ATAD5: variants seen among roughly 807,000 people sequenced by gnomAD.
The protein encoded by ATAD5 is ATPase family AAA domain containing 5.
A neutral mutation model predicts 176.9 loss-of-function variants in ATAD5; 58 were observed. The ratio of observed to expected loss-of-function variants is 0.33; its 90% CI spans 0.27 to 0.41. The LOEUF (loss-of-function observed/expected upper bound fraction) is 0.41. Among genes scored for constraint, ATAD5 ranks in the 10% least tolerant of loss-of-function variants. The pLI, the probability that ATAD5 is intolerant of heterozygous loss-of-function variation, is 1.00. For synonymous variants in ATAD5, 640 were observed against 712.6 expected (o/e 0.90, Z 1.62); for missense variants, 1,789 against 2,094.1 (o/e 0.85, Z 2.84).
intron 17 of ATAD5, among the ~76,000 whole-genome samples, chr17:30,878,352 C>T (rs976644881): frequency 4.6e-5 from 7 of 152,074 alleles, no homozygotes; most frequent in Non-Finnish European, 8.8e-5. Flanking sequence ...TACCTATAAT[C>T]AGATCACTAA....
Position 30,893,733 on chromosome 17 carries a change from C to T in ATAD5, c.4880C>T (p.Pro1627Leu), listed in dbSNP as rs747668687. The T allele has an allele frequency of 5.6e-6, 9 of 1,613,902 alleles. No individual in the cohort carries two copies. The African/African-American group carries it at 1.2e-4, about 22-fold the overall frequency. ...GNNPETKKSI[P>L]CPPKTTAGKK... ...AATCCAGAGACAAAGAAATCTATTC[C>T]TTGTCCTCCTAAAACAACTGCAGGA... Residue 1627 changes from proline to leucine, a missense_variant, in exon 21 of 23, where the codon CCT becomes CTT. Around this residue, in one of 6 missense-constraint regions of ATAD5, gnomAD observed 403 missense variants for 495.1 expected, o/e 0.81. Coordinates refer to ENST00000321990, the MANE Select transcript of ATAD5 (RefSeq NM_024857.5).
Position 30,834,351 on chromosome 17 carries a change from A to G in ATAD5, c.270A>G (p.Val90=). 6.2e-7 allele frequency: 1 copy of G among 1,610,714 alleles called. No homozygotes were observed. The highest frequency in any genetic ancestry group is 8.5e-7 in the Non-Finnish European group (1 of 1,178,860). ...KECKIKSPES[V]PVDSNKDCTT... ...GCAAGATAAAGTCACCTGAATCAGT[A>G]CCTGTTGACAGCAACAAAGACTGTA... Residue 90 remains valine, a synonymous_variant, in exon 2 of 23, where the codon GTA becomes GTG. Coordinates refer to ENST00000321990, the MANE Select transcript of ATAD5 (RefSeq NM_024857.5).
intron 10 of ATAD5, among the ~76,000 whole-genome samples, chr17:30,865,298 G>A (rs887977530): frequency 2.0e-5 from 3 of 150,942 alleles, no homozygotes; most frequent in Non-Finnish European, 2.9e-5. Context: ...TCAGCCTCCC[G>A]AGTAGCTGGG....
At chr17:30,844,424 C>G (rs989299722) in intron 5 of ATAD5, among the ~76,000 whole-genome samples, 6 of 152,056 alleles carry the variant, frequency 3.9e-5, no homozygotes, top group African/African-American at 1.4e-4. Flanking sequence ...AGCCACTGCA[C>G]CCGGCCTGTG....
At chr17:30,844,075 G>C (rs1207945658) in intron 5 of ATAD5, 36 bp downstream of exon 5, 4 of 1,417,818 alleles carry the variant, frequency 2.8e-6, no homozygotes, top group East Asian at 2.5e-5. Context: ...ATGTATATTA[G>C]AATGTTTTGG....
chr17:30,838,063 T>C (rs75432500), intron 3 of ATAD5, among the ~76,000 whole-genome samples: 4,059 of 152,316 alleles, frequency 0.027, 202 homozygotes, highest in African/African-American at 0.092. Context: ...ATCCATAAGA[T>C]GCCAGTAGCA....
chr17:30,850,363 T>A (rs888765661), intron 6 of ATAD5, among the ~76,000 whole-genome samples: 31 of 142,390 alleles, frequency 2.2e-4, no homozygotes, highest in African/African-American at 7.9e-4. Context: ...TGAGACTTCT[T>A]TTTTTTTTTT....
chr17:30,868,288 T>A, intron 11 of ATAD5, 45 bp from the exon 12 acceptor site: 1 of 1,459,300 alleles, frequency 6.9e-7, no homozygotes, highest in Non-Finnish European at 9.2e-7. Context: ...GTCTAAGGCA[T>A]AGCTATATTC....
chr17:30,850,831 TTTTATATATATATATATATATATA>T (rs1401751727), intron 6 of ATAD5, among the ~76,000 whole-genome samples: 30 of 62,604 alleles, frequency 4.8e-4, no homozygotes, highest in Non-Finnish European at 5.4e-4. Context: ...ATTTATATAT[TTTTATATATATATATATATATATA>T]TATATATATA....
chr17:30,861,289 T>C (rs533384328), intron 10 of ATAD5, among the ~76,000 whole-genome samples: 2 of 148,792 alleles, frequency 1.3e-5, no homozygotes, highest in East Asian at 4.0e-4. Flanking sequence ...ACATCTTCCA[T>C]TCCTGGTAAA....
At chr17:30,844,551 C>CTTT (rs145866847) in intron 5 of ATAD5, among the ~76,000 whole-genome samples, 4 of 139,528 alleles carry the variant, frequency 2.9e-5, no homozygotes, top group Non-Finnish European at 6.2e-5. Flanking sequence ...AAGAGTTTTT[C>CTTT]TTTTTTTTTT....
chr17:30,891,999 A>C (rs1909663713), intron 19 of ATAD5, among the ~76,000 whole-genome samples: 1 of 151,676 alleles, frequency 6.6e-6, no homozygotes, highest in South Asian at 2.1e-4. Flanking sequence ...GAGCCACCTC[A>C]CCTGGCCTGA....
Position 30,836,018 on chromosome 17 carries a change from C to T in ATAD5, c.1937C>T (p.Thr646Ile). The T allele has an allele frequency of 6.2e-7, 1 of 1,606,748 alleles. No homozygotes were observed. The highest frequency in any genetic ancestry group is 8.5e-7 in the Non-Finnish European group (1 of 1,177,674). Residue 646 changes from threonine to isoleucine, a missense_variant, in exon 2 of 23, where the codon ACA becomes ATA. Physicochemically the swap from Thr to Ile is moderately conservative, Grantham distance 89. Coordinates refer to ENST00000321990, the MANE Select transcript of ATAD5 (RefSeq NM_024857.5). The part of the protein sequence containing the change: ...KHSLYTAELI[T>I]VPFDSESPIR... Reference sequence around the variant, plus strand: ...AGCTTATATACAGCAGAATTAATAACAGTACCCTTTGATTCAGAGAGCCCT... The same window carrying T: ...AGCTTATATACAGCAGAATTAATAATAGTACCCTTTGATTCAGAGAGCCCT...
At chr17:30,863,751 A>G (rs1201088468) in intron 10 of ATAD5, among the ~76,000 whole-genome samples, 3 of 117,062 alleles carry the variant, frequency 2.6e-5, no homozygotes, top group African/African-American at 1.0e-4. Context: ...TGCAACCTCC[A>G]CCTCCCAGGT....
chr17:30,871,124 T>C (rs1431963034), intron 14 of ATAD5, among the ~76,000 whole-genome samples: 1 of 132,972 alleles, frequency 7.5e-6, no homozygotes, highest in Admixed American at 7.5e-5. Context: ...TCAGTTTGGT[T>C]AGTTGTTATT....
Position 30,835,102 on chromosome 17 carries a change from C to T in ATAD5, c.1021C>T (p.Arg341Ter). The T allele has an allele frequency of 6.2e-7, 1 of 1,613,994 alleles. No homozygotes were observed. The highest frequency in any genetic ancestry group is 8.5e-7 in the Non-Finnish European group (1 of 1,179,968). Residue 341 changes from arginine (R) to a stop codon, truncating the protein, a stop_gained, in exon 2 of 23, where the codon CGA (arginine) becomes TGA (stop). Coordinates refer to ENST00000321990, the MANE Select transcript of ATAD5 (RefSeq NM_024857.5). LOFTEE classifies it high-confidence loss of function. Reference sequence around the variant, plus strand: ...GCCCAAAAAGACAGGGAAAATACCCCGAATTTTCTTGAAACAAAAGCAATT... The same window carrying T: ...GCCCAAAAAGACAGGGAAAATACCCTGAATTTTCTTGAAACAAAAGCAATT... ...IPPKKTGKIP[R>*]IFLKQKQFEM...
intron 6 of ATAD5, among the ~76,000 whole-genome samples, chr17:30,847,202 C>G (rs1046122895): frequency 2.8e-4 from 42 of 152,132 alleles, no homozygotes; most frequent in Admixed American, 2.8e-3. Context: ...TCTAGACTCT[C>G]ATATAAATGA....
chr17:30,875,656 G>T (rs1280109062), intron 14 of ATAD5, among the ~76,000 whole-genome samples: 1 of 151,922 alleles, frequency 6.6e-6, no homozygotes, highest in African/African-American at 2.4e-5. Context: ...GATTAGCCAG[G>T]CGTGGTGGTG....
At chr17:30,861,203 C>T (rs533519436) in intron 10 of ATAD5, among the ~76,000 whole-genome samples, 1 of 127,372 alleles carries the variant, frequency 7.9e-6, no homozygotes, top group Non-Finnish European at 1.6e-5. Flanking sequence ...CCCCCACCCC[C>T]CTCCCCGCCC....
Sources: allele counts gnomAD v4.1 joint callset (sites outside exome capture counted in the v4.1 genomes callset), GRCh38; gene constraint gnomAD v4.1.1; regional missense constraint gnomAD v4.1.1; transcripts MANE v1.5; gene names NCBI Gene and HGNC (gene_info 2026-07-23, HGNC 2026-07-21).